The following ELP3 variants were observed in gnomAD, a reference collection of about 807,000 sequenced individuals.
ELP3 encodes elongator complex protein 3.
Under a neutral mutation model 74.9 loss-of-function variants are expected in ELP3, and 56 were observed. The ratio of observed to expected loss-of-function variants is 0.75; its 90% CI spans 0.60 to 0.93. The LOEUF is 0.93. Among genes scored for constraint, ELP3 ranks in the 40% least tolerant of loss-of-function variants. The pLI is 0.00. For missense variants in ELP3, 573 were observed against 686.5 expected (o/e 0.83, Z 1.85); for synonymous variants, 222 against 239.8 (o/e 0.93, Z 0.68).
intron 2 of ELP3, among the ~76,000 whole-genome samples, chr8:28,098,441 T>G (rs1488002221): frequency 6.6e-6 from 1 of 152,252 alleles, no homozygotes; most frequent in Non-Finnish European, 1.5e-5. Context: ...GTTATTGTAT[T>G]TTACTGATTT....
chr8:28,142,848 G>A (rs557211463), intron 10 of ELP3, among the ~76,000 whole-genome samples: 36 of 152,038 alleles, frequency 2.4e-4, no homozygotes, highest in African/African-American at 8.2e-4. Flanking sequence ...TGTCACACAC[G>A]TTTCTGTTAG....
At chr8:28,091,008 G>A (rs747957825), upstream of ELP3, among the ~76,000 whole-genome samples, 1 of 147,594 alleles carries the variant, frequency 6.8e-6, no homozygotes, top group South Asian at 2.2e-4. Flanking sequence ...CCGGGTTCAC[G>A]CCATTCTCCT....
chr8:28,124,462 C>T (rs1812496438), intron 7 of ELP3, among the ~76,000 whole-genome samples: 1 of 152,114 alleles, frequency 6.6e-6, no homozygotes, highest in Non-Finnish European at 1.5e-5. Flanking sequence ...TTGAAGCTTT[C>T]TAATGAAGAG....
chr8:28,150,898 A>G (rs10111096), intron 10 of ELP3, among the ~76,000 whole-genome samples: 90,460 of 151,966 alleles, frequency 0.6, 28,244 homozygotes, highest in East Asian at 0.91. Flanking sequence ...TACCCAAGCC[A>G]TTCTCCCACC....
At chr8:28,187,624 C>T (rs886320875) in intron 14 of ELP3, among the ~76,000 whole-genome samples, 1 of 152,294 alleles carries the variant, frequency 6.6e-6, no homozygotes, top group Non-Finnish European at 1.5e-5. Context: ...CTGTCCCCCC[C>T]ATGTAGCCTC....
At chr8:28,121,007 G>A (rs1420704526) in intron 7 of ELP3, among the ~76,000 whole-genome samples, 1 of 152,126 alleles carries the variant, frequency 6.6e-6, no homozygotes, top group Non-Finnish European at 1.5e-5. Flanking sequence ...AATTGCTTTA[G>A]AAATTCTAGG....
At chr8:28,156,832 C>T (rs1198078750) in intron 11 of ELP3, among the ~76,000 whole-genome samples, 1 of 152,128 alleles carries the variant, frequency 6.6e-6, no homozygotes, top group Admixed American at 6.5e-5. Context: ...TAACCTAAGA[C>T]ATTTTATTCT....
chr8:28,170,378 A>G (rs921989456), intron 14 of ELP3, among the ~76,000 whole-genome samples: 1 of 152,116 alleles, frequency 6.6e-6, no homozygotes, highest in African/African-American at 2.4e-5. Context: ...CCAGATTTTC[A>G]TATAGTCAAG....
rs888646895 is a variant in ELP3, at chr8:28,121,306, TTTATTA to T, written c.617+8148_617+8153del. Among the ~76,000 whole-genome samples, 31 of 147,058 alleles carry T rather than the reference TTTATTA, an allele frequency of 2.1e-4. 1 individual carries two copies. The highest frequency in any genetic ancestry group is 1.4e-3 in the East Asian group (7 of 5,076). ...TGAAATGTAAATTTCATTTTTAAATTTTATTATTATTATTATTATTTTTTTTTTTTT... is the reference window on the plus strand; with the variant it reads ...TGAAATGTAAATTTCATTTTTAAATTTTATTATTATTATTTTTTTTTTTTT... On this transcript the variant is annotated intron_variant, in intron 7 of 14. Coordinates refer to ENST00000256398, the MANE Select transcript of ELP3 (RefSeq NM_018091.6).
At chr8:28,101,708 G>C (rs1012863446) in intron 3 of ELP3, among the ~76,000 whole-genome samples, 3 of 151,800 alleles carry the variant, frequency 2.0e-5, no homozygotes, top group African/African-American at 7.3e-5. Flanking sequence ...TTGTGCCTCA[G>C]CCTCCCAAGG....
At chr8:28,109,346 T>G (rs1480139061) in intron 5 of ELP3, among the ~76,000 whole-genome samples, 1 of 152,196 alleles carries the variant, frequency 6.6e-6, no homozygotes, top group Non-Finnish European at 1.5e-5. Context: ...ATTTTTTTTC[T>G]TGTTTTCTAG....
chr8:28,119,619 TA>T (rs2130424684), intron 7 of ELP3, among the ~76,000 whole-genome samples: 2 of 76,916 alleles, frequency 2.6e-5, no homozygotes, highest in South Asian at 4.1e-4. Flanking sequence ...TATATATATA[TA>T]TATATATATG....
intron 13 of ELP3, among the ~76,000 whole-genome samples, chr8:28,161,796 G>C (rs1814102777): frequency 6.6e-6 from 1 of 152,180 alleles, no homozygotes; most frequent in African/African-American, 2.4e-5. Flanking sequence ...TTGTTCAAAA[G>C]TTACACCTTT....
At position 28,106,778 on chromosome 8, in the gene ELP3, A is replaced by ATG. The variant is rs1563249889; in HGVS notation, c.329+1_329+2dup. The ATG allele has an allele frequency of 6.2e-7, 1 of 1,611,526 alleles. No individual in the cohort carries two copies. The highest frequency in any genetic ancestry group is 8.5e-7 in the Non-Finnish European group (1 of 1,178,870). On this transcript the variant is annotated frameshift_variant, in exon 4 of 15. Transcript: ENST00000256398. LOFTEE classifies it high-confidence loss of function. ...CACACATCAGTTTTACAGGAAATAT[A>ATG]TGTGTGTAAGTATGGTGATTTTATT...
intron 3 of ELP3, among the ~76,000 whole-genome samples, 163 bp from the exon 4 acceptor site, chr8:28,106,539 CAAAAAAAAAAA>C (rs61714722): frequency 1.8e-5 from 2 of 112,698 alleles, no homozygotes; most frequent in Non-Finnish European, 2.1e-5. Flanking sequence ...GACTCCGTCT[CAAAAAAAAAAA>C]AAAAAAAAAA....
intron 9 of ELP3, among the ~76,000 whole-genome samples, chr8:28,133,677 G>T (rs920861184): frequency 3.3e-5 from 5 of 151,966 alleles, no homozygotes; most frequent in Non-Finnish European, 7.4e-5. Context: ...CTTTTAATTT[G>T]CTCTGTTTAG....
At chr8:28,135,361 C>T (rs955510086) in intron 9 of ELP3, among the ~76,000 whole-genome samples, 3 of 152,178 alleles carry the variant, frequency 2.0e-5, no homozygotes, top group African/African-American at 7.2e-5. Context: ...TATGGGATTC[C>T]TAAATGTCAG....
upstream of ELP3, chr8:28,090,486 T>G (rs768561066): frequency 6.6e-5 from 11 of 167,894 alleles, no homozygotes; most frequent in South Asian, 3.4e-4. Context: ...TGGGTGGGTG[T>G]GTGTGTGTGT....
Position 28,129,681 on chromosome 8 carries a change from G to T in ELP3, c.779+18G>T, listed in dbSNP as rs1812717535. ...ACCAACAGGTAAGATGGTGGCAGGTGATCTTGCACAAGTCTTCCTCCAAGT... is the reference window on the plus strand; with the variant it reads ...ACCAACAGGTAAGATGGTGGCAGGTTATCTTGCACAAGTCTTCCTCCAAGT... On this transcript the variant is annotated intron_variant, in intron 8 of 14. Transcript: ENST00000256398. 1 of 1,612,988 alleles carries T rather than the reference G, an allele frequency of 6.2e-7. No individual in the cohort carries two copies. Among genetic ancestry groups the T allele is most frequent in the South Asian group, 1.1e-5 (1 of 91,048 alleles).
Sources: gnomAD v4.1 joint callset for allele counts (sites outside exome capture counted in the v4.1 genomes callset) on GRCh38, gnomAD v4.1.1 for gene constraint, MANE v1.5 for transcripts, NCBI Gene and HGNC (gene_info 2026-07-23, HGNC 2026-07-21) for gene names.